The following RGS22 variants were observed in gnomAD, a reference collection of about 807,000 sequenced individuals.
The protein encoded by RGS22 is regulator of G-protein signaling 22.
In RGS22, 148 loss-of-function variants were observed where a neutral mutation model predicts 172.9. The observed-to-expected ratio is 0.86, with a 90% CI of 0.75 to 0.98. The LOEUF (loss-of-function observed/expected upper bound fraction) is 0.98. Ranked by LOEUF, RGS22 falls within the 50% of genes least tolerant of loss-of-function variation. The probability of loss-of-function intolerance (pLI) is 0.00; values close to 1 mark genes in which losing one functional copy is unlikely to be tolerated. For missense variants in RGS22, 1,347 were observed against 1,440.8 expected (o/e 0.93, Z 1.05); for synonymous variants, 458 against 480.2 (o/e 0.95, Z 0.60).
chr8:100,054,333 C>T (rs951017570), intron 9 of RGS22: 31 of 154,114 alleles, frequency 2.0e-4, no homozygotes, highest in African/African-American at 7.5e-4. Flanking sequence ...ATGGCTCATA[C>T]CTGTAATCCC....
chr8:100,071,239 G>GATCA, intron 6 of RGS22, 130 bp downstream of exon 6: 1 of 752,298 alleles, frequency 1.3e-6, no homozygotes, highest in East Asian at 3.1e-5. Context: ...AGTGAGCCAT[G>GATCA]ATCATATCAC....
At position 100,036,412 on chromosome 8, in the gene RGS22, A is replaced by G. The variant is rs142692816; in HGVS notation, c.2166+2519T>C. ...ACTCTTGGACTCTTTAGTCATGCTA[A>G]TCACTGTTACTGATATACCCTTCCC... On this transcript the variant is annotated intron_variant, in intron 14 of 27. Coordinates refer to ENST00000360863, the MANE Select transcript of RGS22 (RefSeq NM_015668.5). 6.5e-3 allele frequency among the ~76,000 whole-genome samples: 996 copies of G among 152,272 alleles called. 13 individuals are homozygous for G. Among genetic ancestry groups the G allele is most frequent in the African/African-American group, 0.022 (916 of 41,544 alleles).
At chr8:100,049,049 C>CCTAT (rs1157213499) in intron 10 of RGS22, among the ~76,000 whole-genome samples, 2 of 152,082 alleles carry the variant, frequency 1.3e-5, no homozygotes, top group East Asian at 3.9e-4. Flanking sequence ...TAGACAAAGG[C>CCTAT]CTATATTAGA....
chr8:100,095,982 C>T (rs528965636), intron 2 of RGS22, among the ~76,000 whole-genome samples: 1 of 152,162 alleles, frequency 6.6e-6, no homozygotes, highest in Non-Finnish European at 1.5e-5. Flanking sequence ...AAAGGCTTGT[C>T]CTTCTCTTAG....
intron 20 of RGS22, among the ~76,000 whole-genome samples, chr8:99,995,119 G>C (rs1341901795): frequency 6.6e-6 from 1 of 152,102 alleles, no homozygotes; most frequent in Non-Finnish European, 1.5e-5. Context: ...ATTAATTCAA[G>C]ATGGATTAAA....
At chr8:100,088,524 C>G (rs1244586409) in intron 3 of RGS22, among the ~76,000 whole-genome samples, 1 of 151,998 alleles carries the variant, frequency 6.6e-6, no homozygotes, top group Admixed American at 6.6e-5. Context: ...AGCAAAAAAC[C>G]TCCCAGACAC....
At chr8:100,019,358 G>A (rs1032715264) in intron 14 of RGS22, among the ~76,000 whole-genome samples, 2 of 152,184 alleles carry the variant, frequency 1.3e-5, no homozygotes, top group African/African-American at 4.8e-5. Context: ...CACATACTTC[G>A]TTTTGATGTA....
chr8:100,009,413 A>G (rs1291871263), intron 14 of RGS22, among the ~76,000 whole-genome samples: 1 of 146,314 alleles, frequency 6.8e-6, no homozygotes, highest in Non-Finnish European at 1.5e-5. Context: ...TGACAAAGTG[A>G]GACTCCACCT....
chr8:100,024,364 A>T (rs540263136), intron 14 of RGS22, among the ~76,000 whole-genome samples: 2 of 152,138 alleles, frequency 1.3e-5, no homozygotes, highest in Admixed American at 6.5e-5. Context: ...TTCTTAAAAA[A>T]ATAAAAACAC....
At chr8:99,997,548 T>G (rs1304507457) in intron 19 of RGS22, among the ~76,000 whole-genome samples, 1 of 152,190 alleles carries the variant, frequency 6.6e-6, no homozygotes, top group Non-Finnish European at 1.5e-5. Flanking sequence ...TCAGCTCAAA[T>G]GACTAAGGAT....
intron 21 of RGS22, among the ~76,000 whole-genome samples, chr8:99,984,433 A>T (rs1222614882): frequency 7.3e-6 from 1 of 136,264 alleles, no homozygotes; most frequent in Non-Finnish European, 1.5e-5. Flanking sequence ...CAGAATTATA[A>T]CTGATTTTTT....
intron 20 of RGS22, among the ~76,000 whole-genome samples, chr8:99,991,669 A>G (rs1813734055): frequency 6.6e-6 from 1 of 152,228 alleles, no homozygotes; most frequent in Admixed American, 6.5e-5. Flanking sequence ...GATGGGGAGA[A>G]TGGAACCAAG....
At chr8:99,984,409 G>C (rs2131223732) in intron 21 of RGS22, among the ~76,000 whole-genome samples, 1 of 151,938 alleles carries the variant, frequency 6.6e-6, no homozygotes, top group East Asian at 1.9e-4. Flanking sequence ...TTGAGTAAAA[G>C]GACAGCATTT....
At chr8:99,975,951 A>G (rs1811880587) in intron 23 of RGS22, among the ~76,000 whole-genome samples, 1 of 152,214 alleles carries the variant, frequency 6.6e-6, no homozygotes. Context: ...GCACTTTGGG[A>G]GGCTGAGGTG....
intron 3 of RGS22, among the ~76,000 whole-genome samples, chr8:100,085,974 CAGA>C (rs1465556950): frequency 1.3e-5 from 2 of 152,100 alleles, no homozygotes; most frequent in Non-Finnish European, 2.9e-5. Flanking sequence ...TGTGATGGCA[CAGA>C]AGGATTCATT....
At chr8:99,988,814 A>C (rs1336698551) in intron 20 of RGS22, among the ~76,000 whole-genome samples, 1 of 152,196 alleles carries the variant, frequency 6.6e-6, no homozygotes, top group Non-Finnish European at 1.5e-5. Context: ...ATAGATGTCC[A>C]TCACTATTTT....
intron 19 of RGS22, 75 bp downstream of exon 19, chr8:99,999,187 G>A (rs1434346977): frequency 1.0e-5 from 13 of 1,306,462 alleles, no homozygotes; most frequent in African/African-American, 1.5e-5. Flanking sequence ...CAATGGCTGG[G>A]TCACCAGGTA....
At chr8:100,048,915 T>C (rs1242143221) in intron 10 of RGS22, among the ~76,000 whole-genome samples, 1 of 152,186 alleles carries the variant, frequency 6.6e-6, no homozygotes, top group Non-Finnish European at 1.5e-5. Context: ...TTTCACAACA[T>C]TGTGAATATA....
At position 100,006,406 on chromosome 8, in the gene RGS22, T is replaced by C. The variant is rs147677030; in HGVS notation, c.2362-297A>G. On this transcript the variant is annotated intron_variant, in intron 15 of 27. Coordinates refer to ENST00000360863, the MANE Select transcript of RGS22 (RefSeq NM_015668.5). ...AGTCACATTTCCAGCTTCTATTCAA[T>C]ATAACTTGATAATAGTCATGAAAGC... Among the ~76,000 whole-genome samples the C allele has an allele frequency of 2.2e-3, 335 of 152,268 alleles. 3 individuals carry two copies. The highest frequency in any genetic ancestry group is 7.8e-3 in the African/African-American group (323 of 41,570).
Sources: gnomAD v4.1 joint callset for allele counts (sites outside exome capture counted in the v4.1 genomes callset) on GRCh38, gnomAD v4.1.1 for gene constraint, MANE v1.5 for transcripts, NCBI Gene and HGNC (gene_info 2026-07-23, HGNC 2026-07-21) for gene names.